The following ANKRD55 variants were observed in gnomAD, a reference collection of about 807,000 sequenced individuals.
ANKRD55 encodes ankyrin repeat domain-containing protein 55.
Under a neutral mutation model 60.6 loss-of-function variants are expected in ANKRD55, and 41 were observed. That is an observed-to-expected ratio of 0.68 (90% CI 0.53 to 0.88). The LOEUF is 0.88. ANKRD55 is among the 40% of genes least tolerant of loss of function. The pLI is 0.00. For synonymous variants in ANKRD55, 264 were observed against 290.3 expected (o/e 0.91, Z 0.92); for missense variants, 732 against 767.6 (o/e 0.95, Z 0.55).
intron 2 of ANKRD55, among the ~76,000 whole-genome samples, chr5:56,214,572 A>T (rs1404184600): frequency 6.6e-6 from 1 of 152,236 alleles, no homozygotes. Context: ...CAGCTGGAGC[A>T]CACAGTAAGC....
chr5:56,200,410 A>AT (rs1269001223), intron 2 of ANKRD55, among the ~76,000 whole-genome samples: 2 of 152,108 alleles, frequency 1.3e-5, no homozygotes, highest in African/African-American at 4.8e-5. Context: ...TCTTTCCTTC[A>AT]TTTTTCATGG....
At chr5:56,193,708 C>T (rs1276194620) in intron 2 of ANKRD55, 2 of 192,926 alleles carry the variant, frequency 1.0e-5, no homozygotes, top group African/African-American at 2.4e-5. Context: ...GCATTTCTGA[C>T]ATAGAGCACT....
intron 2 of ANKRD55, among the ~76,000 whole-genome samples, chr5:56,214,077 A>T (rs1235317884): frequency 6.6e-6 from 1 of 152,218 alleles, no homozygotes. Context: ...CCCATTTATA[A>T]GACCATCAGA....
intron 2 of ANKRD55, among the ~76,000 whole-genome samples, chr5:56,210,100 C>T (rs1271962955): frequency 2.0e-5 from 3 of 152,002 alleles, no homozygotes; most frequent in African/African-American, 4.8e-5. Flanking sequence ...CTCCGCCTCC[C>T]GATTTCAAGC....
chr5:56,204,025 A>C (rs558279696), intron 2 of ANKRD55, among the ~76,000 whole-genome samples: 13 of 152,118 alleles, frequency 8.5e-5, no homozygotes, highest in African/African-American at 3.1e-4. Flanking sequence ...TTGCTGTTCT[A>C]ACTGGTGTGA....
At position 56,208,103 on chromosome 5, in the gene ANKRD55, C is replaced by T. The variant is rs532818688; in HGVS notation, c.59-24469G>A. ...TTCATTAAAAACTAAGACACAAACA[C>T]ACACACATTAGCCTAGGCCTACACA... On this transcript the variant is annotated intron_variant, in intron 2 of 11. Transcript: ENST00000341048. Among the ~76,000 whole-genome samples the T allele has an allele frequency of 8.8e-4, 134 of 151,938 alleles. 2 individuals are homozygous for T. The highest frequency in any genetic ancestry group is 1.0e-4 in the Non-Finnish European group (7 of 67,964).
rs545696283 is a variant in ANKRD55, at chr5:56,191,273, TG to T, written c.59-7640del. 9.2e-5 allele frequency among the ~76,000 whole-genome samples: 14 copies of T among 152,340 alleles called. No homozygotes were observed. In the South Asian group the frequency reaches 2.5e-3, roughly 27 times the overall value. ...ATTGGGATTTTGACAGAGATTATAT[TG>T]AATCTGTAGATTGCTTTGTGTAGTA... On this transcript the variant is annotated intron_variant, in intron 2 of 11. Transcript: ENST00000341048.
chr5:56,187,614 C>T (rs1581009752), intron 2 of ANKRD55, among the ~76,000 whole-genome samples: 2 of 152,348 alleles, frequency 1.3e-5, no homozygotes, highest in East Asian at 1.9e-4. Flanking sequence ...GCAGGGTGAC[C>T]GCTGTGCTCC....
At chr5:56,127,692 A>C (rs1280052252) in intron 7 of ANKRD55, 1 of 422,944 alleles carries the variant, frequency 2.4e-6, no homozygotes, top group East Asian at 1.6e-4. Context: ...CTTCGTTTAC[A>C]AAAACAATTA....
intron 2 of ANKRD55, among the ~76,000 whole-genome samples, chr5:56,220,782 C>T (rs1300612393): frequency 6.6e-6 from 1 of 152,148 alleles, no homozygotes; most frequent in African/African-American, 2.4e-5. Context: ...CATTGCACTC[C>T]AGCCTGGGTG....
intron 2 of ANKRD55, among the ~76,000 whole-genome samples, chr5:56,201,541 G>C (rs1759380601): frequency 6.6e-6 from 1 of 152,174 alleles, no homozygotes; most frequent in African/African-American, 2.4e-5. Flanking sequence ...TTCTGGCACT[G>C]CCACTTACCT....
chr5:56,165,383 T>C (rs1345860873), intron 5 of ANKRD55, among the ~76,000 whole-genome samples: 1 of 152,188 alleles, frequency 6.6e-6, no homozygotes, highest in African/African-American at 2.4e-5. Flanking sequence ...AAGGCCAGGA[T>C]GAGCACCAGT....
intron 7 of ANKRD55, among the ~76,000 whole-genome samples, chr5:56,130,741 C>G (rs182352513): frequency 1.1e-4 from 16 of 152,154 alleles, no homozygotes; most frequent in Non-Finnish European, 5.9e-5. Context: ...ATAAAGTGGA[C>G]AACATGTCAG....
intron 2 of ANKRD55, among the ~76,000 whole-genome samples, chr5:56,206,215 G>A (rs1298664290): frequency 6.6e-6 from 1 of 151,924 alleles, no homozygotes; most frequent in Non-Finnish European, 1.5e-5. Flanking sequence ...GGGCTCAAGT[G>A]ATTTTCCTCC....
intron 5 of ANKRD55, 38 bp downstream of exon 5, chr5:56,170,656 A>G (rs753085157): frequency 6.7e-7 from 1 of 1,496,114 alleles, no homozygotes; most frequent in East Asian, 2.3e-5. Flanking sequence ...AAGTTGAGTC[A>G]CTCCCAACTT....
rs756104144 is a variant in ANKRD55, at chr5:56,159,845, G to T, written c.471C>A (p.His157Gln). ...LQQSNISEIN[H>Q]QDNEGMTPLH... is the part of the protein sequence containing the mutation. ...GAGTGTGGCTCACCTCATTGTCCTG[G>T]TGATTAATCTCGCTGATGTTCGACT... is the stretch of plus-strand genomic sequence containing the variant. The change falls in exon 6 of 12, where the codon CAC becomes CAA. Residue 157 changes from histidine (H) to glutamine (Q), a missense_variant. Physicochemically the swap from His to Gln is conservative, Grantham distance 24. Around this residue, in one of 3 missense-constraint regions of ANKRD55, gnomAD observed 597 missense variants for 607.5 expected, o/e 0.98. Transcript: ENST00000341048. The T allele has an allele frequency of 1.2e-6, 2 of 1,613,964 alleles. No individual in the cohort carries two copies. Among genetic ancestry groups the T allele is most frequent in the Non-Finnish European group, 1.7e-6 (2 of 1,179,890 alleles).
At chr5:56,113,170 C>G (rs376386806) in intron 9 of ANKRD55, among the ~76,000 whole-genome samples, 1 of 152,120 alleles carries the variant, frequency 6.6e-6, no homozygotes, top group African/African-American at 2.4e-5. Context: ...TCCACTGAAC[C>G]CTTGGAGAGG....
chr5:56,223,436 C>A (rs1760023287), intron 2 of ANKRD55, among the ~76,000 whole-genome samples: 1 of 152,158 alleles, frequency 6.6e-6, no homozygotes, highest in Admixed American at 6.5e-5. Flanking sequence ...TAGGAAGAAA[C>A]TGCATCAACT....
chr5:56,220,323 A>G (rs1759927975), intron 2 of ANKRD55, among the ~76,000 whole-genome samples: 1 of 152,184 alleles, frequency 6.6e-6, no homozygotes, highest in Admixed American at 6.5e-5. Flanking sequence ...GTGGAAGGAA[A>G]GGGATGCTCA....
Sources: gnomAD v4.1 joint callset for allele counts (sites outside exome capture counted in the v4.1 genomes callset) on GRCh38, gnomAD v4.1.1 for gene constraint, gnomAD v4.1.1 regional missense constraint, MANE v1.5 for transcripts, NCBI Gene and HGNC (gene_info 2026-07-23, HGNC 2026-07-21) for gene names.